The following SAMD5 variants were observed in gnomAD, a reference collection of about 807,000 sequenced individuals.
The protein encoded by SAMD5 is sterile alpha motif domain containing 5, also known as sterile alpha motif domain-containing protein 5.
SAMD5 carries 13 observed loss-of-function variants against 11.3 expected under a neutral mutation model. The ratio of observed to expected loss-of-function variants is 1.15; its 90% CI spans 0.75 to 1.83. The LOEUF is 1.83. Among genes scored for constraint, SAMD5 ranks in the 40% most tolerant of loss-of-function variants. The probability of loss-of-function intolerance (pLI) is 0.00; values close to 1 mark genes in which losing one functional copy is unlikely to be tolerated. For synonymous variants in SAMD5, 129 were observed against 111.3 expected (o/e 1.16, Z -1.00); for missense variants, 255 against 239.1 (o/e 1.07, Z -0.44).
chr6:147,671,578 A>G (rs1790796019), intron 1 of SAMD5, among the ~76,000 whole-genome samples: 1 of 152,216 alleles, frequency 6.6e-6, no homozygotes, highest in African/African-American at 2.4e-5. Context: ...TGCTAACACC[A>G]ATAGCATAAG....
chr6:147,760,129 A>G, the SAMD5 span, among the ~76,000 whole-genome samples: 1 of 152,120 alleles, frequency 6.6e-6, no homozygotes, highest in Admixed American at 6.6e-5. Flanking sequence ...TGAATGGATC[A>G]TTTTTTATAT....
At chr6:147,882,547 A>G in the SAMD5 span, among the ~76,000 whole-genome samples, 1 of 152,208 alleles carries the variant, frequency 6.6e-6, no homozygotes, top group African/African-American at 2.4e-5. Flanking sequence ...CACTATGAAT[A>G]GCCAAGCACT....
At chr6:147,807,051 C>T in the SAMD5 span, among the ~76,000 whole-genome samples, 1 of 152,056 alleles carries the variant, frequency 6.6e-6, no homozygotes, top group Non-Finnish European at 1.5e-5. Context: ...TTCATAGCCT[C>T]CAGAACTGTA....
intron 1 of SAMD5, among the ~76,000 whole-genome samples, chr6:147,603,936 T>G (rs1368504669): frequency 6.6e-6 from 1 of 152,222 alleles, no homozygotes; most frequent in Non-Finnish European, 1.5e-5. Flanking sequence ...GATACTACTC[T>G]CTAACATTCT....
the SAMD5 span, among the ~76,000 whole-genome samples, chr6:147,819,604 C>T: frequency 6.6e-6 from 1 of 152,138 alleles, no homozygotes; most frequent in South Asian, 2.1e-4. Flanking sequence ...TAACAAAGGA[C>T]AATGAGTTGT....
At chr6:147,571,069 C>G (rs1789131148), downstream of SAMD5, among the ~76,000 whole-genome samples, 1 of 152,138 alleles carries the variant, frequency 6.6e-6, no homozygotes, top group African/African-American at 2.4e-5. Context: ...CCCTTTTGTT[C>G]ATAAACTAAA....
chr6:147,865,759 G>A, the SAMD5 span, among the ~76,000 whole-genome samples: 66,479 of 151,802 alleles, frequency 0.44, 14,644 homozygotes, highest in East Asian at 0.64. Context: ...TAAGGCAAAA[G>A]GAAAAAGAAA....
chr6:147,929,523 C>A, the SAMD5 span, among the ~76,000 whole-genome samples: 1 of 151,926 alleles, frequency 6.6e-6, no homozygotes, highest in Non-Finnish European at 1.5e-5. Context: ...TTTTTAAAAA[C>A]CAAACTAAAA....
At chr6:147,688,184 C>T (rs556136177) in intron 1 of SAMD5, among the ~76,000 whole-genome samples, 1 of 151,886 alleles carries the variant, frequency 6.6e-6, no homozygotes, top group Non-Finnish European at 1.5e-5. Context: ...AATTCTGCAT[C>T]TTATGAATTT....
chr6:147,927,015 T>C, the SAMD5 span, among the ~76,000 whole-genome samples: 1 of 152,168 alleles, frequency 6.6e-6, no homozygotes, highest in Admixed American at 6.5e-5. Flanking sequence ...TTCTGTTCCA[T>C]GGTCTATGTG....
the SAMD5 span, among the ~76,000 whole-genome samples, chr6:147,822,620 T>C: frequency 6.6e-6 from 1 of 152,206 alleles, no homozygotes; most frequent in African/African-American, 2.4e-5. Context: ...ATTTTATTTA[T>C]GTGTCAACCC....
At chr6:147,824,995 T>C in the SAMD5 span, among the ~76,000 whole-genome samples, 12 of 152,204 alleles carry the variant, frequency 7.9e-5, no homozygotes, top group South Asian at 2.3e-3. Flanking sequence ...AAAGTTCTCT[T>C]TTTAAAAACC....
chr6:147,800,600 G>A, the SAMD5 span, among the ~76,000 whole-genome samples: 58 of 152,264 alleles, frequency 3.8e-4, no homozygotes, highest in African/African-American at 1.4e-3. Context: ...GCTCCACCCA[G>A]TTCGAGCTTC....
At chr6:147,524,480 C>T (rs17076897) in intron 1 of SAMD5, among the ~76,000 whole-genome samples, 8,528 of 151,206 alleles carry the variant, frequency 0.056, 301 homozygotes, top group Admixed American at 0.088. Flanking sequence ...AATAGTGAAC[C>T]GAAGCTTTAT....
At chr6:147,774,456 G>A in the SAMD5 span, among the ~76,000 whole-genome samples, 1 of 151,912 alleles carries the variant, frequency 6.6e-6, no homozygotes, top group Non-Finnish European at 1.5e-5. Flanking sequence ...AAAATGGCAT[G>A]GTATTTTCAT....
At chr6:147,834,723 T>G in the SAMD5 span, among the ~76,000 whole-genome samples, 1 of 152,228 alleles carries the variant, frequency 6.6e-6, no homozygotes, top group Non-Finnish European at 1.5e-5. Context: ...TCTCGGATTG[T>G]GCTTGATATT....
chr6:147,904,911 G>C, the SAMD5 span, among the ~76,000 whole-genome samples: 1 of 149,544 alleles, frequency 6.7e-6, no homozygotes, highest in African/African-American at 2.5e-5. Context: ...TTTTTGAGGC[G>C]GAGTTTTGCT....
At chr6:147,599,562 T>C (rs1028724670) in intron 1 of SAMD5, among the ~76,000 whole-genome samples, 56 of 152,276 alleles carry the variant, frequency 3.7e-4, no homozygotes, top group African/African-American at 1.3e-3. Flanking sequence ...GTGAAATCCT[T>C]TGGGGGTAAA....
rs151078742 is a variant in SAMD5 at position 147,580,300 on chromosome 6, G to A, written c.162+70913G>A. Among the ~76,000 whole-genome samples the A allele has an allele frequency of 1.5e-3, 227 of 152,276 alleles. 2 individuals carry two copies. The highest frequency in any genetic ancestry group is 5.0e-3 in the African/African-American group (207 of 41,554). ...CCTCTGAACACTACCATTCCACCAGGTCAGGGACAACCTTTTCCTAAACAT... is the reference window on the plus strand; with the variant it reads ...CCTCTGAACACTACCATTCCACCAGATCAGGGACAACCTTTTCCTAAACAT... On this transcript the variant is annotated intron_variant, in intron 1 of 1. Coordinates refer to the SAMD5 transcript ENST00000566741.
Sources: allele counts gnomAD v4.1 joint callset (sites outside exome capture counted in the v4.1 genomes callset), GRCh38; gene constraint gnomAD v4.1.1; transcripts MANE v1.5; gene names NCBI Gene and HGNC (gene_info 2026-07-23, HGNC 2026-07-21).